Variants in MUSK observed in about 807,000 individuals in gnomAD.
MUSK encodes the protein muscle, skeletal receptor tyrosine-protein kinase.
In MUSK, 55 loss-of-function variants were observed where a neutral mutation model predicts 88.7. The ratio of observed to expected loss-of-function variants is 0.62; its 90% confidence interval spans 0.50 to 0.78. The LOEUF (loss-of-function observed/expected upper bound fraction) is 0.78, where lower values mean the gene tolerates loss of function less well. MUSK is among the 30% of genes least tolerant of loss of function. MUSK has a pLI of 0.00. For synonymous variants in MUSK, 387 were observed against 391.9 expected, an observed-to-expected ratio of 0.99 and a Z score of 0.15; for missense variants, 1,015 against 1,074.3, an observed-to-expected ratio of 0.94 and a Z score of 0.77.
At chr9:110,787,867 T>C in intron 14 of MUSK, 29 bp downstream of exon 14, 2 of 1,593,976 alleles carry the variant, frequency 1.3e-6, no homozygotes, top group Non-Finnish European at 8.6e-7. Flanking sequence ...GGATATGTAT[T>C]TCATCAGAAA....
chr9:110,789,662 C>T (rs2077938586), intron 14 of MUSK, among the ~76,000 whole-genome samples: 1 of 152,084 alleles, frequency 6.6e-6, no homozygotes. Context: ...GCTTGTAATC[C>T]CAGCTGCTTG....
chr9:110,759,546 G>A (rs1012915181), intron 7 of MUSK, among the ~76,000 whole-genome samples: 4 of 152,120 alleles, frequency 2.6e-5, no homozygotes, highest in Non-Finnish European at 5.9e-5. Context: ...AACTTACAGA[G>A]TGGAGAAAAT....
chr9:110,730,346 C>T (rs542134772), intron 5 of MUSK, among the ~76,000 whole-genome samples: 27 of 151,948 alleles, frequency 1.8e-4, no homozygotes, highest in African/African-American at 6.3e-4. Flanking sequence ...TTTAAAAATC[C>T]ATATCAAAAC....
intron 3 of MUSK, among the ~76,000 whole-genome samples, chr9:110,694,410 A>AAAAAAAAAAC: frequency 7.0e-6 from 1 of 143,432 alleles, no homozygotes; most frequent in Non-Finnish European, 1.5e-5. Context: ...AAAAAAACAA[A>AAAAAAAAAAC]AAAACAAAAC....
At position 110,801,823 on chromosome 9, in the gene MUSK, C is replaced by A. The variant is rs908686057; in HGVS notation, c.*835C>A. On this transcript the variant is annotated 3_prime_UTR_variant, in exon 15 of 15. Transcript: ENST00000374448. ...TTCTTCTTCTTTCCAGGACTTCTGT[C>A]CTTTTTTAGTTATTAAGCTATTTTT... Among the ~76,000 whole-genome samples the A allele has an allele frequency of 2.0e-5, 3 of 152,110 alleles. No homozygotes were observed. The highest frequency in any genetic ancestry group is 2.9e-5 in the Non-Finnish European group (2 of 68,020).
At position 110,747,787 on chromosome 9, in the gene MUSK, C is replaced by T. The variant is rs2077194645; in HGVS notation, c.900C>T (p.Thr300=). The part of the protein sequence containing the change: ...EKFSTAKAAA[T]ISIAEWSKPQ... ...TCAGTACTGCCAAGGCTGCAGCCAC[C>T]ATCAGCATAGCAGGTAGGATGCCCC... Residue 300 remains threonine (T), a synonymous_variant, in exon 7 of 15, where the codon ACC becomes ACT. Coordinates refer to ENST00000374448, the MANE Select transcript of MUSK (RefSeq NM_005592.4). The T allele has an allele frequency of 6.2e-7, 1 of 1,613,652 alleles. No homozygotes were observed. The highest frequency in any genetic ancestry group is 1.3e-5 in the African/African-American group (1 of 74,908).
chr9:110,696,493 A>T (rs1204029170), intron 4 of MUSK, among the ~76,000 whole-genome samples: 3 of 152,192 alleles, frequency 2.0e-5, no homozygotes, highest in Non-Finnish European at 4.4e-5. Flanking sequence ...GAACTAAGGT[A>T]TAAAATTGCT....
chr9:110,672,733 A>G (rs1210360033), intron 1 of MUSK, among the ~76,000 whole-genome samples: 15 of 152,184 alleles, frequency 9.9e-5, no homozygotes, highest in Admixed American at 9.8e-4. Context: ...TAATTTTACT[A>G]AAATAGAAAG....
chr9:110,788,053 CTCTG>C (rs1466339402), intron 14 of MUSK: 1 of 556,260 alleles, frequency 1.8e-6, no homozygotes, highest in Non-Finnish European at 3.2e-6. Flanking sequence ...TTCAATTTGT[CTCTG>C]TCTTTGCTGC....
chr9:110,690,081 T>C (rs189395105), intron 3 of MUSK, among the ~76,000 whole-genome samples: 8 of 93,654 alleles, frequency 8.5e-5, no homozygotes, highest in Non-Finnish European at 1.8e-5. Flanking sequence ...TATAAATATA[T>C]AAATATATAT....
intron 10 of MUSK, 87 bp downstream of exon 10, chr9:110,776,050 A>G: frequency 1.4e-6 from 2 of 1,393,034 alleles, no homozygotes; most frequent in Non-Finnish European, 1.9e-6. Context: ...AGCTTCTAAT[A>G]TTTCTAGGCA....
intron 5 of MUSK, among the ~76,000 whole-genome samples, chr9:110,708,633 A>G (rs1204472116): frequency 1.3e-5 from 2 of 152,162 alleles, no homozygotes; most frequent in Non-Finnish European, 2.9e-5. Context: ...TTTAGGGGAT[A>G]TTATGGTATA....
At chr9:110,706,247 ATCATT>A in intron 5 of MUSK, 2 of 359,260 alleles carry the variant, frequency 5.6e-6, no homozygotes, top group Non-Finnish European at 1.1e-5. Context: ...TCTGCTTGAG[ATCATT>A]TCATTTGTTC....
intron 6 of MUSK, among the ~76,000 whole-genome samples, chr9:110,738,500 A>G (rs903392590): frequency 3.3e-5 from 5 of 152,174 alleles, no homozygotes; most frequent in Non-Finnish European, 5.9e-5. Flanking sequence ...CATTATCCCA[A>G]CTTAGTCATT....
intron 5 of MUSK, chr9:110,706,075 G>T: frequency 1.9e-6 from 1 of 527,100 alleles, no homozygotes; most frequent in Non-Finnish European, 3.9e-6. Context: ...TTTTCTTACA[G>T]GTGCTAAAGG....
intron 9 of MUSK, among the ~76,000 whole-genome samples, chr9:110,770,460 C>A (rs1382982234): frequency 1.4e-5 from 2 of 144,290 alleles, no homozygotes; most frequent in African/African-American, 2.5e-5. Flanking sequence ...AATTATATAA[C>A]ATATAATTAA....
chr9:110,689,561 T>C (rs1383694949), intron 3 of MUSK, among the ~76,000 whole-genome samples: 1 of 55,850 alleles, frequency 1.8e-5, no homozygotes, highest in South Asian at 4.5e-4. Flanking sequence ...ATTTATATAT[T>C]ATATATATTT....
intron 9 of MUSK, among the ~76,000 whole-genome samples, chr9:110,769,038 T>G (rs1016296452): frequency 6.6e-6 from 1 of 152,198 alleles, no homozygotes; most frequent in African/African-American, 2.4e-5. Flanking sequence ...TCTCGATGTG[T>G]GTGGTCTTGG....
chr9:110,713,787 A>G (rs576839312), intron 5 of MUSK, among the ~76,000 whole-genome samples: 1 of 152,320 alleles, frequency 6.6e-6, no homozygotes, highest in East Asian at 1.9e-4. Context: ...GTTGGCTAAA[A>G]CAAAAATCTT....
Sources: gnomAD v4.1 joint callset for allele counts (sites outside exome capture counted in the v4.1 genomes callset) on GRCh38, gnomAD v4.1.1 for gene constraint, MANE v1.5 for transcripts, NCBI Gene and HGNC (gene_info 2026-07-23, HGNC 2026-07-21) for gene names.